DPP10: variants seen among roughly 807,000 people sequenced by gnomAD.
DPP10 encodes dipeptidyl peptidase like 10.
Under a neutral mutation model 120.9 loss-of-function variants are expected in DPP10, and 33 were observed. The observed-to-expected ratio is 0.27, with a 90% CI of 0.21 to 0.37. The LOEUF (loss-of-function observed/expected upper bound fraction) is 0.37, where lower values mean the gene tolerates loss of function less well. Ranked by LOEUF, DPP10 falls within the 10% of genes least tolerant of loss-of-function variation. The probability of loss-of-function intolerance (pLI) is 1.00; values close to 1 mark genes in which losing one functional copy is unlikely to be tolerated. For synonymous variants in DPP10, 337 were observed against 326.1 expected (o/e 1.03, Z -0.36); for missense variants, 816 against 942.8 (o/e 0.87, Z 1.76).
intron 1 of DPP10, among the ~76,000 whole-genome samples, chr2:114,852,627 G>T (rs114680837): frequency 6.6e-6 from 1 of 151,998 alleles, no homozygotes; most frequent in Non-Finnish European, 1.5e-5. Flanking sequence ...TTTCCGCGGC[G>T]GGGGCGGGGG....
chr2:114,899,904 G>A (rs1214553936), intron 1 of DPP10, among the ~76,000 whole-genome samples: 1 of 152,226 alleles, frequency 6.6e-6, no homozygotes, highest in African/African-American at 2.4e-5. Flanking sequence ...AGCTGGCAGT[G>A]AGCCAAGATC....
chr2:115,438,038 GA>G (rs930639494), intron 3 of DPP10, among the ~76,000 whole-genome samples: 2 of 151,770 alleles, frequency 1.3e-5, no homozygotes, highest in Non-Finnish European at 2.9e-5. Context: ...GATTCAAGCT[GA>G]AAAAAATGAG....
intron 1 of DPP10, among the ~76,000 whole-genome samples, chr2:114,668,877 T>G (rs912599897): frequency 2.6e-5 from 4 of 152,160 alleles, no homozygotes; most frequent in Non-Finnish European, 5.9e-5. Flanking sequence ...TCTCCTGTAT[T>G]TTCATCATTT....
intron 1 of DPP10, among the ~76,000 whole-genome samples, chr2:114,769,847 C>T (rs1372939831): frequency 6.6e-6 from 1 of 152,104 alleles, no homozygotes; most frequent in Non-Finnish European, 1.5e-5. Flanking sequence ...TACCCAAAGA[C>T]ATTGGAAAAG....
chr2:114,888,524 T>C (rs900579038), intron 1 of DPP10, among the ~76,000 whole-genome samples: 6 of 152,300 alleles, frequency 3.9e-5, no homozygotes, highest in Non-Finnish European at 7.4e-5. Context: ...AAAAAAATGA[T>C]GATCAAAACA....
rs542250080 is a variant in DPP10, at chr2:115,632,489, C to T, written c.442-57198C>T. Among the ~76,000 whole-genome samples, 10 of 152,156 alleles carry T rather than the reference C, an allele frequency of 6.6e-5. No individual in the cohort carries two copies. The South Asian group carries it at 2.1e-3, about 32-fold the overall frequency. On this transcript the variant is annotated intron_variant, in intron 5 of 25. Coordinates refer to ENST00000410059, the MANE Select transcript of DPP10 (RefSeq NM_020868.6). Reference sequence around the variant, plus strand: ...TGTAATGGCTGTTAACGATTTTTCCCTTCCATATTTAGCCCTTCCTACAAT... The same window carrying T: ...TGTAATGGCTGTTAACGATTTTTCCTTTCCATATTTAGCCCTTCCTACAAT...
At chr2:114,939,779 C>G (rs1696759421) in intron 1 of DPP10, among the ~76,000 whole-genome samples, 1 of 152,102 alleles carries the variant, frequency 6.6e-6, no homozygotes, top group Non-Finnish European at 1.5e-5. Flanking sequence ...ATTTCTCACC[C>G]TGTCTGCTTA....
At chr2:115,737,800 T>A (rs1454781014) in intron 8 of DPP10, among the ~76,000 whole-genome samples, 2 of 152,176 alleles carry the variant, frequency 1.3e-5, no homozygotes, top group African/African-American at 4.8e-5. Context: ...TTGTAACAAA[T>A]TTTCTCTGAC....
At chr2:115,055,054 G>C (rs1169404877) in intron 1 of DPP10, among the ~76,000 whole-genome samples, 1 of 151,970 alleles carries the variant, frequency 6.6e-6, no homozygotes, top group African/African-American at 2.4e-5. Flanking sequence ...TGCCCACTCT[G>C]CTTTAACAAT....
At chr2:115,523,415 A>C (rs957841894) in intron 4 of DPP10, among the ~76,000 whole-genome samples, 2 of 151,192 alleles carry the variant, frequency 1.3e-5, no homozygotes, top group African/African-American at 4.9e-5. Context: ...AAAAAAAAAA[A>C]AAAAAAACCC....
At chr2:114,926,748 C>T (rs1300465908) in intron 1 of DPP10, among the ~76,000 whole-genome samples, 1 of 151,896 alleles carries the variant, frequency 6.6e-6, no homozygotes, top group Non-Finnish European at 1.5e-5. Flanking sequence ...ACAGCCAGGT[C>T]AAATCTAAAA....
At chr2:114,459,933 T>C (rs1457766700) in intron 1 of DPP10, among the ~76,000 whole-genome samples, 4 of 152,188 alleles carry the variant, frequency 2.6e-5, no homozygotes, top group African/African-American at 9.6e-5. Context: ...TGACAGGTTA[T>C]TCCTTGGTAG....
intron 1 of DPP10, among the ~76,000 whole-genome samples, chr2:114,757,299 A>G (rs557337530): frequency 1.4e-5 from 2 of 140,278 alleles, no homozygotes; most frequent in African/African-American, 5.3e-5. Flanking sequence ...AGAGAAAGGA[A>G]GGAAGAGGGA....
intron 1 of DPP10, among the ~76,000 whole-genome samples, chr2:114,678,967 A>G (rs1033905038): frequency 6.6e-6 from 1 of 152,054 alleles, no homozygotes; most frequent in South Asian, 2.1e-4. Flanking sequence ...TTTTCTCAGC[A>G]GGTTGTTTCT....
intron 1 of DPP10, among the ~76,000 whole-genome samples, chr2:114,995,316 A>G (rs907509966): frequency 1.3e-5 from 2 of 152,164 alleles, no homozygotes; most frequent in African/African-American, 4.8e-5. Flanking sequence ...TTTGTGAGTG[A>G]GACATCTATG....
At chr2:115,052,719 A>G (rs2105350864) in intron 1 of DPP10, among the ~76,000 whole-genome samples, 1 of 152,298 alleles carries the variant, frequency 6.6e-6, no homozygotes, top group East Asian at 1.9e-4. Context: ...TGGGATGCCA[A>G]GGCAGGCAGA....
intron 14 of DPP10, 67 bp from the exon 15 acceptor site, chr2:115,777,720 A>G: frequency 6.5e-7 from 1 of 1,539,176 alleles, no homozygotes; most frequent in Non-Finnish European, 8.9e-7. Context: ...TGACAATGTG[A>G]CAAAATTCAC....
intron 1 of DPP10, among the ~76,000 whole-genome samples, chr2:114,580,407 T>C (rs1169102033): frequency 6.6e-6 from 1 of 152,210 alleles, no homozygotes; most frequent in East Asian, 1.9e-4. Flanking sequence ...TAGATAACTA[T>C]CCACCCTGTC....
intron 1 of DPP10, among the ~76,000 whole-genome samples, chr2:114,459,030 A>G (rs78730525): frequency 1.4e-4 from 22 of 152,242 alleles, no homozygotes; most frequent in Admixed American, 1.4e-3. Flanking sequence ...TATTCCTAAC[A>G]TGGGTCTGAG....
Sources: gnomAD v4.1 joint callset for allele counts (sites outside exome capture counted in the v4.1 genomes callset) on GRCh38, gnomAD v4.1.1 for gene constraint, MANE v1.5 for transcripts, NCBI Gene and HGNC (gene_info 2026-07-23, HGNC 2026-07-21) for gene names.